ACTR3C: variants seen among roughly 807,000 people sequenced by gnomAD.
The protein encoded by ACTR3C is actin-related protein 3C.
Under a neutral mutation model 26.3 loss-of-function variants are expected in ACTR3C, and 18 were observed. That is an observed-to-expected ratio of 0.68 (90% CI 0.47 to 1.01). ACTR3C has a LOEUF of 1.01. ACTR3C is among the 50% of genes least tolerant of loss of function. The pLI is 0.00. For synonymous variants in ACTR3C, 55 were observed against 94.5 expected, an observed-to-expected ratio of 0.58 and a Z score of 2.42; for missense variants, 184 against 250.7, an observed-to-expected ratio of 0.73 and a Z score of 1.80.
At chr7:150,206,143 T>G in the ACTR3C span, among the ~76,000 whole-genome samples, 1 of 152,206 alleles carries the variant, frequency 6.6e-6, no homozygotes. Context: ...TCTGCTGCTC[T>G]CCGCTTTCTC....
the ACTR3C span, among the ~76,000 whole-genome samples, chr7:149,903,899 TGCTGG>T: frequency 9.9e-5 from 2 of 20,238 alleles, no homozygotes; most frequent in Admixed American, 1.1e-3. Context: ...TGTTTGTTGT[TGCTGG>T]TTGTTGTTGT....
chr7:150,205,662 TTTC>T, the ACTR3C span, among the ~76,000 whole-genome samples: 7 of 152,228 alleles, frequency 4.6e-5, no homozygotes, highest in African/African-American at 1.7e-4. Flanking sequence ...ATCATCTTTT[TTTC>T]CTTGTTCCCT....
the ACTR3C span, among the ~76,000 whole-genome samples, chr7:150,054,709 A>T: frequency 1.3e-5 from 2 of 152,240 alleles, no homozygotes; most frequent in African/African-American, 2.4e-5. Context: ...GTTAAACAGC[A>T]TGCTTGTGTC....
intron 1 of ACTR3C, among the ~76,000 whole-genome samples, chr7:150,316,379 T>C (rs1796884594): frequency 6.6e-6 from 1 of 152,190 alleles, no homozygotes; most frequent in Admixed American, 6.5e-5. Context: ...TATGTTGATA[T>C]GTGTCAGGGC....
At chr7:149,899,488 T>A in the ACTR3C span, among the ~76,000 whole-genome samples, 1 of 141,696 alleles carries the variant, frequency 7.1e-6, no homozygotes. Flanking sequence ...AATAAAAATC[T>A]TAAGAGATGG....
intron 1 of ACTR3C, 61 bp downstream of exon 1, chr7:150,323,408 G>A (rs1485407333): frequency 3.3e-6 from 1 of 305,442 alleles, no homozygotes; most frequent in African/African-American, 2.4e-5. Context: ...GTTGGGTGGT[G>A]GGCACGCGGC....
chr7:150,161,458 T>C, the ACTR3C span, among the ~76,000 whole-genome samples: 1 of 151,692 alleles, frequency 6.6e-6, no homozygotes, highest in East Asian at 1.9e-4. Flanking sequence ...AGTGAGAACA[T>C]GCAGTGTTTG....
At chr7:149,888,501 G>A in the ACTR3C span, among the ~76,000 whole-genome samples, 16 of 152,114 alleles carry the variant, frequency 1.1e-4, no homozygotes, top group African/African-American at 2.4e-4. Flanking sequence ...TGGACATTTC[G>A]GTTTCCACTT....
chr7:150,082,761 ACT>A, the ACTR3C span, among the ~76,000 whole-genome samples: 5 of 149,978 alleles, frequency 3.3e-5, no homozygotes. Flanking sequence ...ATGCTTTATG[ACT>A]CTCTTTGTAT....
the ACTR3C span, among the ~76,000 whole-genome samples, chr7:149,915,834 G>A: frequency 6.7e-6 from 1 of 150,022 alleles, no homozygotes; most frequent in Non-Finnish European, 1.5e-5. Flanking sequence ...AAAATGTTCG[G>A]TGAAGCACTA....
chr7:150,022,211 G>A, the ACTR3C span, among the ~76,000 whole-genome samples: 1 of 151,826 alleles, frequency 6.6e-6, no homozygotes, highest in Admixed American at 6.6e-5. Context: ...GCATTTCCCT[G>A]ATCATTAGTG....
the ACTR3C span, among the ~76,000 whole-genome samples, chr7:150,122,789 G>C: frequency 6.6e-6 from 1 of 151,790 alleles, no homozygotes; most frequent in Non-Finnish European, 1.5e-5. Flanking sequence ...ACATGCACAC[G>C]TATATTTATT....
chr7:150,231,396 A>C, the ACTR3C span, among the ~76,000 whole-genome samples: 1 of 151,798 alleles, frequency 6.6e-6, no homozygotes, highest in Non-Finnish European at 1.5e-5. Flanking sequence ...ATTGGTTCCC[A>C]CAAAAGCTGG....
chr7:150,283,365 A>G (rs1474484643), intron 6 of ACTR3C, among the ~76,000 whole-genome samples: 1 of 150,086 alleles, frequency 6.7e-6, no homozygotes, highest in Non-Finnish European at 1.5e-5. Flanking sequence ...ATTTTGTATT[A>G]GACAAGTGTT....
At chr7:149,958,420 C>T in the ACTR3C span, among the ~76,000 whole-genome samples, 72 of 152,338 alleles carry the variant, frequency 4.7e-4, no homozygotes, top group South Asian at 1.9e-3. Context: ...TTGAGCTGTT[C>T]TTGAGCAGAA....
At chr7:149,973,225 G>A in the ACTR3C span, among the ~76,000 whole-genome samples, 1 of 152,196 alleles carries the variant, frequency 6.6e-6, no homozygotes, top group Non-Finnish European at 1.5e-5. Context: ...CCCACCCGGG[G>A]GTGAAGGAGC....
At chr7:150,028,372 G>A in the ACTR3C span, among the ~76,000 whole-genome samples, 1 of 152,296 alleles carries the variant, frequency 6.6e-6, no homozygotes, top group African/African-American at 2.4e-5. Context: ...GTCTGTGTCT[G>A]TGTCTGTGTG....
chr7:150,085,410 G>A, the ACTR3C span, among the ~76,000 whole-genome samples: 18 of 152,068 alleles, frequency 1.2e-4, no homozygotes, highest in African/African-American at 3.9e-4. Flanking sequence ...TAGTGCAATC[G>A]AAGGGAAAAT....
At chr7:149,883,347 TC>T in the ACTR3C span, among the ~76,000 whole-genome samples, 1 of 152,054 alleles carries the variant, frequency 6.6e-6, no homozygotes, top group African/African-American at 2.4e-5. Flanking sequence ...CCCAACACCA[TC>T]CCCAATGTGG....
Sources: allele counts gnomAD v4.1 joint callset (sites outside exome capture counted in the v4.1 genomes callset), GRCh38; gene constraint gnomAD v4.1.1; transcripts MANE v1.5; gene names NCBI Gene and HGNC (gene_info 2026-07-23, HGNC 2026-07-21).